Variants in USP13 observed in about 807,000 individuals in gnomAD.
The protein encoded by USP13 is ubiquitin specific peptidase 13, also known as ubiquitin carboxyl-terminal hydrolase 13.
USP13 carries 68 observed loss-of-function variants against 107.8 expected under a neutral mutation model. That is an observed-to-expected ratio of 0.63 (90% CI 0.52 to 0.77). The LOEUF (loss-of-function observed/expected upper bound fraction) is 0.77, where lower values mean the gene tolerates loss of function less well. USP13 is among the 30% of genes least tolerant of loss of function. USP13 has a pLI of 0.00. For missense variants in USP13, 945 were observed against 1,093.3 expected (o/e 0.86, Z 1.91); for synonymous variants, 377 against 389.5 (o/e 0.97, Z 0.38).
intron 14 of USP13, among the ~76,000 whole-genome samples, chr3:179,754,366 G>C (rs1414386601): frequency 6.6e-6 from 1 of 152,152 alleles, no homozygotes; most frequent in Non-Finnish European, 1.5e-5. Flanking sequence ...TTCAAAATAA[G>C]CTGGAAATCT....
intron 1 of USP13, among the ~76,000 whole-genome samples, chr3:179,664,410 C>A (rs1057499124): frequency 2.0e-5 from 3 of 152,152 alleles, no homozygotes; most frequent in Non-Finnish European, 4.4e-5. Flanking sequence ...ATGATATTTT[C>A]ATGTTATCTT....
In USP13 at chr3:179,754,821, A is replaced by G. The variant is rs1305298116; in HGVS notation, c.1888A>G (p.Ser630Gly). 6 of 1,612,874 alleles carry G rather than the reference A, an allele frequency of 3.7e-6. No individual in the cohort carries two copies. Among genetic ancestry groups the G allele is most frequent in the Non-Finnish European group, 5.1e-6 (6 of 1,179,542 alleles). The change falls in exon 15 of 21, where the codon AGC becomes GGC. Residue 630 changes from serine (S) to glycine (G), a missense_variant. By Grantham distance (56) the Ser-to-Gly change is moderately conservative. Coordinates refer to ENST00000263966, the MANE Select transcript of USP13 (RefSeq NM_003940.3). ...AGGAGAGGAAGAACTTCCAGACATC[A>G]GCCCCCCCATAGTCATTCCTGATGA... ...QPGEEELPDI[S>G]PPIVIPDDSK...
intron 1 of USP13, among the ~76,000 whole-genome samples, chr3:179,654,086 A>G (rs1302327838): frequency 6.6e-6 from 1 of 151,736 alleles, no homozygotes; most frequent in Non-Finnish European, 1.5e-5. Context: ...CGGTGGCGGG[A>G]GCCTGTAGTC....
rs1289852540 is a variant in USP13 at position 179,701,016 on chromosome 3, A to G, written c.364A>G (p.Thr122Ala). 6.2e-7 allele frequency: 1 copy of G among 1,613,280 alleles called. No homozygotes were observed. The highest frequency in any genetic ancestry group is 1.3e-5 in the African/African-American group (1 of 74,924). The change falls in exon 4 of 21, where the codon ACT becomes GCT. Residue 122 changes from threonine to alanine, a missense_variant. By Grantham distance (58) the Thr-to-Ala change is moderately conservative. Coordinates refer to ENST00000263966, the MANE Select transcript of USP13 (RefSeq NM_003940.3). Reference sequence around the variant, plus strand: ...TTTTGTTTTCTCCTCAGATCTAGATACTGATGACGATTTAAATAGCGACGA... The same window carrying G: ...TTTTGTTTTCTCCTCAGATCTAGATGCTGATGACGATTTAAATAGCGACGA... ...RNSKIFLDLD[T>A]DDDLNSDDYE...
chr3:179,748,899 A>G (rs543125603), intron 13 of USP13, among the ~76,000 whole-genome samples: 2 of 152,314 alleles, frequency 1.3e-5, no homozygotes, highest in South Asian at 4.1e-4. Context: ...ACTGGGGATA[A>G]TAATGGTACT....
At chr3:179,703,789 A>G (rs561797092) in intron 4 of USP13, among the ~76,000 whole-genome samples, 5 of 152,330 alleles carry the variant, frequency 3.3e-5, no homozygotes, top group African/African-American at 1.2e-4. Context: ...ACACATAGAT[A>G]ATAATGAGAT....
intron 1 of USP13, among the ~76,000 whole-genome samples, chr3:179,664,905 T>C (rs945146892): frequency 1.3e-5 from 2 of 152,020 alleles, no homozygotes; most frequent in Non-Finnish European, 2.9e-5. Flanking sequence ...CTGGCCAACA[T>C]GGTGAAACTC....
chr3:179,683,251 T>G (rs1368525487), intron 2 of USP13, among the ~76,000 whole-genome samples: 1 of 152,046 alleles, frequency 6.6e-6, no homozygotes, highest in Non-Finnish European at 1.5e-5. Context: ...TCGTTTTACT[T>G]TGTTTATGAA....
intron 1 of USP13, among the ~76,000 whole-genome samples, chr3:179,660,700 A>T (rs908647063): frequency 2.0e-5 from 3 of 152,204 alleles, no homozygotes; most frequent in Non-Finnish European, 4.4e-5. Context: ...GTTTACTTGT[A>T]GGGAGAAAAA....
At chr3:179,655,697 G>A (rs1720238659) in intron 1 of USP13, among the ~76,000 whole-genome samples, 1 of 151,972 alleles carries the variant, frequency 6.6e-6, no homozygotes, top group Non-Finnish European at 1.5e-5. Context: ...TGGGATTACA[G>A]GCGTGTGCCA....
chr3:179,721,434 G>A lies in USP13; in HGVS notation c.933G>A (p.Lys311=), dbSNP rs941482206. Residue 311 remains lysine, a synonymous_variant, in exon 8 of 21, where the codon AAG becomes AAA. Transcript: ENST00000263966. The surrounding 1 kb of genome is among the most constrained non-coding windows in gnomAD (Gnocchi z 4.3). Reference sequence around the variant, plus strand: ...ATGGGCTCCAGGACAATGACATCAAGCTGAGGGTCAGTGAGTGGGAAGTGA... The same window carrying A: ...ATGGGCTCCAGGACAATGACATCAAACTGAGGGTCAGTGAGTGGGAAGTGA... ...TENGLQDNDI[K]LRVSEWEVIQ... 3.7e-6 allele frequency: 6 copies of A among 1,614,164 alleles called. No individual in the cohort carries two copies. Among genetic ancestry groups the A allele is most frequent in the Middle Eastern group, 1.6e-4 (1 of 6,062 alleles).
intron 1 of USP13, among the ~76,000 whole-genome samples, chr3:179,671,290 A>G (rs1203015654): frequency 6.6e-6 from 1 of 152,176 alleles, no homozygotes; most frequent in Non-Finnish European, 1.5e-5. Flanking sequence ...AGTAGTGGGA[A>G]TATACAGCCC....
chr3:179,757,904 C>T (rs750904095), intron 16 of USP13, among the ~76,000 whole-genome samples: 3 of 152,204 alleles, frequency 2.0e-5, no homozygotes, highest in Non-Finnish European at 4.4e-5. Flanking sequence ...AATGGGTAGC[C>T]TGGGACATAC....
At chr3:179,664,384 G>A (rs1460715016) in intron 1 of USP13, among the ~76,000 whole-genome samples, 9 of 152,192 alleles carry the variant, frequency 5.9e-5, no homozygotes, top group East Asian at 3.9e-4. Context: ...ATGAGCCACC[G>A]CACCCAGCCG....
chr3:179,763,151 T>TC (rs564812724), intron 17 of USP13, among the ~76,000 whole-genome samples: 1,623 of 152,336 alleles, frequency 0.011, 33 homozygotes, highest in African/African-American at 0.038. Flanking sequence ...GATTTGTGTT[T>TC]TCCCCCCCAT....
In USP13 at chr3:179,765,797, A is replaced by T; in HGVS notation, c.2362A>T (p.Ile788Phe). 5 of 1,614,194 alleles carry T rather than the reference A, an allele frequency of 3.1e-6. No individual in the cohort carries two copies. Among genetic ancestry groups the T allele is most frequent in the Non-Finnish European group, 4.2e-6 (5 of 1,180,044 alleles). ...IEMENNANAN[I>F]ISEAKPEGPR... ...GATGGAGAATAATGCCAATGCAAAC[A>T]TTATTTCTGAGGCCAAGCCCGAAGG... The change falls in exon 19 of 21, where the codon ATT (isoleucine) becomes TTT (phenylalanine). Residue 788 changes from isoleucine to phenylalanine, a missense_variant. Ile to Phe is a conservative substitution (Grantham distance 21). Coordinates refer to ENST00000263966, the MANE Select transcript of USP13 (RefSeq NM_003940.3).
intron 19 of USP13, among the ~76,000 whole-genome samples, chr3:179,775,840 G>GCCTGCGCCTCTCCCTCCA (rs1309836199): frequency 2.5e-4 from 38 of 152,156 alleles, no homozygotes; most frequent in Non-Finnish European, 2.9e-4. Context: ...CCCGGTTCCT[G>GCCTGCGCCTCTCCCTCCA]CCTGCGCCTC....
intron 19 of USP13, among the ~76,000 whole-genome samples, chr3:179,774,971 G>A (rs1313523722): frequency 6.6e-6 from 1 of 152,044 alleles, no homozygotes; most frequent in Non-Finnish European, 1.5e-5. Context: ...TAGACACAGA[G>A]CACTGATTGG....
intron 3 of USP13, among the ~76,000 whole-genome samples, chr3:179,697,717 T>C (rs1712373837): frequency 6.6e-6 from 1 of 152,000 alleles, no homozygotes; most frequent in Non-Finnish European, 1.5e-5. Flanking sequence ...ATGTGGAAAT[T>C]TTAGGTTATA....
Sources: allele counts gnomAD v4.1 joint callset (sites outside exome capture counted in the v4.1 genomes callset), GRCh38; gene constraint gnomAD v4.1.1; non-coding constraint Gnocchi (gnomAD v3.1); transcripts MANE v1.5; gene names NCBI Gene and HGNC (gene_info 2026-07-23, HGNC 2026-07-21).